The following PLXNA2 variants were observed in gnomAD, a reference collection of about 807,000 sequenced individuals.
PLXNA2 encodes the protein plexin A2.
In PLXNA2, 91 loss-of-function variants were observed where a neutral mutation model predicts 193.5. That is an observed-to-expected ratio of 0.47 (90% CI 0.40 to 0.56). The LOEUF is 0.56. Among genes scored for constraint, PLXNA2 ranks in the 20% least tolerant of loss-of-function variants. PLXNA2 has a pLI of 0.00. For missense variants in PLXNA2, 1,995 were observed against 2,503.2 expected (o/e 0.80, Z 4.33); for synonymous variants, 997 against 1,027.3 (o/e 0.97, Z 0.56).
In PLXNA2 at chr1:208,027,304, C is replaced by A. The variant is rs573661376; in HGVS notation, c.5624G>T (p.Arg1875Leu). 1.2e-6 allele frequency: 2 copies of A among 1,613,552 alleles called. No homozygotes were observed. Among genetic ancestry groups the A allele is most frequent in the South Asian group, 2.2e-5 (2 of 91,086 alleles). The change falls in exon 32 of 32, where the codon CGG (arginine) becomes CTG (leucine). Residue 1875 changes from arginine (R) to leucine (L), a missense_variant. This residue lies in a region of PLXNA2 where 1,291 missense variants were observed against 1,673.6 expected (regional missense o/e 0.77). Coordinates refer to ENST00000367033, the MANE Select transcript of PLXNA2 (RefSeq NM_025179.4). ...CACCTTATAAGCCAGCCGCTGCCGC[C>A]GTGCCTGCTCATCCTGCTCTAGGGC... ...IGALEQDEQA[R>L]RQRLAYKVEQ...
chr1:208,145,184 T>G (rs182802041), intron 3 of PLXNA2, among the ~76,000 whole-genome samples: 6 of 152,228 alleles, frequency 3.9e-5, no homozygotes, highest in Non-Finnish European at 8.8e-5. Flanking sequence ...TCTGTCTCCA[T>G]AAAATGGGGA....
At chr1:208,103,268 G>A in intron 4 of PLXNA2, 21 bp from the exon 5 acceptor site, 1 of 1,576,754 alleles carries the variant, frequency 6.3e-7, no homozygotes, top group Non-Finnish European at 8.7e-7. Flanking sequence ...GAGCAAAGAG[G>A]GTACAGTGAG....
intron 3 of PLXNA2, among the ~76,000 whole-genome samples, chr1:208,146,681 C>A (rs547558076): frequency 2.9e-4 from 44 of 152,206 alleles, no homozygotes; most frequent in African/African-American, 8.7e-4. Context: ...AATAGCCAAC[C>A]AATTGAGTTT....
chr1:208,152,995 A>G (rs1000274349), intron 3 of PLXNA2, among the ~76,000 whole-genome samples: 1 of 152,174 alleles, frequency 6.6e-6, no homozygotes, highest in Non-Finnish European at 1.5e-5. Flanking sequence ...TTGTAAACAT[A>G]TGCAGTCATC....
In PLXNA2 at chr1:208,173,349, C is replaced by G. The variant is rs115853182; in HGVS notation, c.1372-30886G>C. Among the ~76,000 whole-genome samples, 1,158 of 152,350 alleles carry G rather than the reference C, an allele frequency of 7.6e-3. 15 individuals carry two copies. Among genetic ancestry groups the G allele is most frequent in the African/African-American group, 0.026 (1,072 of 41,570 alleles). The stretch of plus-strand genomic sequence containing the variant: ...AAGTCTGCAGTTCTATTTCCCTGCA[C>G]TATGAGCCCCGTTTAGATTTCAGAC... On this transcript the variant is annotated intron_variant, in intron 3 of 31. Transcript: ENST00000367033.
intron 3 of PLXNA2, among the ~76,000 whole-genome samples, chr1:208,156,934 C>T (rs1668957793): frequency 6.6e-6 from 1 of 152,206 alleles, no homozygotes; most frequent in Admixed American, 6.5e-5. Context: ...GCATTTGTTA[C>T]TCCATAAGAA....
chr1:208,204,992 A>T (rs1049341730), intron 3 of PLXNA2, among the ~76,000 whole-genome samples: 1 of 152,166 alleles, frequency 6.6e-6, no homozygotes, highest in Non-Finnish European at 1.5e-5. Context: ...ACTACCCCCC[A>T]GCTTCTGTGA....
At chr1:208,106,141 A>AG (rs1315836891) in intron 4 of PLXNA2, among the ~76,000 whole-genome samples, 3 of 147,874 alleles carry the variant, frequency 2.0e-5, no homozygotes, top group South Asian at 2.2e-4. Flanking sequence ...GCAGGGGTGG[A>AG]GGGGGGGTGG....
At chr1:208,079,226 A>C in intron 12 of PLXNA2, 34 bp downstream of exon 12, 1 of 1,571,020 alleles carries the variant, frequency 6.4e-7, no homozygotes, top group Non-Finnish European at 8.7e-7. Context: ...GCTCTTGGCC[A>C]CCCCTTCCTG....
rs547660438 is a variant in PLXNA2 at position 208,121,187 on chromosome 1, C to T, written c.1507-17940G>A. On this transcript the variant is annotated intron_variant, in intron 4 of 31. Transcript: ENST00000367033. ...CCGGGGAAACCTAAGTAAGGTCCAC[C>T]ATGAGCGAGAGCTGGGCTCCGAGAC... 4.6e-5 allele frequency among the ~76,000 whole-genome samples: 7 copies of T among 152,256 alleles called. No individual in the cohort carries two copies. In the East Asian group the frequency reaches 1.4e-3, roughly 29 times the overall value.
At chr1:208,210,570 G>T in intron 2 of PLXNA2, 108 bp from the exon 3 acceptor site, 1 of 922,044 alleles carries the variant, frequency 1.1e-6, no homozygotes, top group Non-Finnish European at 1.6e-6. Context: ...GCCTCAGAGA[G>T]GCAGACATGG....
intron 1 of PLXNA2, among the ~76,000 whole-genome samples, chr1:208,223,031 C>T (rs900016868): frequency 3.3e-5 from 5 of 152,040 alleles, no homozygotes; most frequent in Admixed American, 1.3e-4. Context: ...AGGAGCCAGA[C>T]GGTGGTAGGG....
chr1:208,140,251 CT>C (rs1198575209), intron 4 of PLXNA2, among the ~76,000 whole-genome samples: 1 of 152,196 alleles, frequency 6.6e-6, no homozygotes, highest in African/African-American at 2.4e-5. Flanking sequence ...ATTATATTCT[CT>C]GAAACCCACT....
chr1:208,202,213 C>T (rs1336499934), intron 3 of PLXNA2, among the ~76,000 whole-genome samples: 2 of 152,084 alleles, frequency 1.3e-5, no homozygotes, highest in African/African-American at 2.4e-5. Context: ...CTCCTGACCT[C>T]AGGTGATCAG....
Position 208,043,169 on chromosome 1 carries a change from C to T in PLXNA2, c.3909G>A (p.Leu1303=), listed in dbSNP as rs375052113. 207 of 1,613,990 alleles carry T rather than the reference C, an allele frequency of 1.3e-4. No homozygotes were observed. Among genetic ancestry groups the T allele is most frequent in the Non-Finnish European group, 1.7e-4 (201 of 1,180,004 alleles). ...TTCCTGAGCGGTCCAGGTCACTGGT[C>T]AACTCATTGATATCCGTCTGGAGCT... The part of the protein sequence containing the change: ...FAELQTDINE[L]TSDLDRSGIP... The change falls in exon 21 of 32, where the codon TTG becomes TTA. Residue 1303 remains leucine, a synonymous_variant. Coordinates refer to ENST00000367033, the MANE Select transcript of PLXNA2 (RefSeq NM_025179.4).
At chr1:208,184,193 T>C (rs961843173) in intron 3 of PLXNA2, among the ~76,000 whole-genome samples, 6 of 151,968 alleles carry the variant, frequency 3.9e-5, no homozygotes, top group African/African-American at 1.5e-4. Context: ...GCCCAGAGGA[T>C]AGATGTGGGG....
rs1667482767 is a variant in PLXNA2 at position 208,111,746 on chromosome 1, T to C, written c.1507-8499A>G. Among the ~76,000 whole-genome samples, 5 of 152,312 alleles carry C rather than the reference T, an allele frequency of 3.3e-5. No homozygotes were observed. The South Asian group carries it at 6.2e-4, about 19-fold the overall frequency. On this transcript the variant is annotated intron_variant, in intron 4 of 31. Coordinates refer to ENST00000367033, the MANE Select transcript of PLXNA2 (RefSeq NM_025179.4). ...TTGTTTGTTCTCAGTGTTAGATCCA[T>C]TTCTTTAACAATCAATAGTCATGCA...
In PLXNA2 at chr1:208,166,926, G is replaced by A. The variant is rs960400106; in HGVS notation, c.1372-24463C>T. 2.0e-5 allele frequency among the ~76,000 whole-genome samples: 3 copies of A among 152,156 alleles called. No individual in the cohort carries two copies. In the South Asian group the frequency reaches 6.2e-4, roughly 32 times the overall value. ...AAACCATGAAGCTCTCAGCACAATG[G>A]AATTCTGTGTGTTGCTGCAACTCCG... On this transcript the variant is annotated intron_variant, in intron 3 of 31. Coordinates refer to ENST00000367033, the MANE Select transcript of PLXNA2 (RefSeq NM_025179.4).
chr1:208,115,963 C>T (rs4844409), intron 4 of PLXNA2, among the ~76,000 whole-genome samples: 34,927 of 152,098 alleles, frequency 0.23, 4,298 homozygotes, highest in Admixed American at 0.31. Flanking sequence ...AGTCCAAACA[C>T]CTCAGTGTGA....
Sources: gnomAD v4.1 joint callset for allele counts (sites outside exome capture counted in the v4.1 genomes callset) on GRCh38, gnomAD v4.1.1 for gene constraint, gnomAD v4.1.1 regional missense constraint, MANE v1.5 for transcripts, NCBI Gene and HGNC (gene_info 2026-07-23, HGNC 2026-07-21) for gene names.